Variants in ABLIM2 observed in about 807,000 individuals in gnomAD.
ABLIM2 encodes the protein actin binding LIM protein family member 2, also known as actin-binding LIM protein 2.
In ABLIM2, 53 loss-of-function variants were observed where a neutral mutation model predicts 97.7. The ratio of observed to expected loss-of-function variants is 0.54; its 90% CI spans 0.44 to 0.68. The LOEUF (loss-of-function observed/expected upper bound fraction) is 0.68. ABLIM2 is among the 30% of genes least tolerant of loss of function. The probability of loss-of-function intolerance (pLI) is 0.00; values close to 1 mark genes in which losing one functional copy is unlikely to be tolerated. For synonymous variants in ABLIM2, 361 were observed against 345.8 expected (o/e 1.04, Z -0.49); for missense variants, 835 against 867.2 (o/e 0.96, Z 0.47).
At chr4:8,134,466 C>T (rs1261298127) in intron 1 of ABLIM2, among the ~76,000 whole-genome samples, 2 of 152,214 alleles carry the variant, frequency 1.3e-5, no homozygotes, top group East Asian at 3.8e-4. Flanking sequence ...TCGGCCCAGC[C>T]CCCGTCGGCA....
At chr4:8,010,348 A>G in intron 14 of ABLIM2, 1 of 984,864 alleles carries the variant, frequency 1.0e-6, no homozygotes, top group Non-Finnish European at 1.2e-6. Flanking sequence ...GCACTGAACA[A>G]TTACACAAAA....
In ABLIM2 at chr4:8,005,249, A is replaced by G. The variant is rs1302835292; in HGVS notation, c.1618+2810T>C. ...AGCTCCCTGCACGCTTCTCCAGGTCAGGGGCTGCTCTTGTCTTCTCTGTCC... is the reference window on the plus strand; with the variant it reads ...AGCTCCCTGCACGCTTCTCCAGGTCGGGGGCTGCTCTTGTCTTCTCTGTCC... On this transcript the variant is annotated intron_variant, in intron 16 of 20. Coordinates refer to ENST00000447017, the MANE Select transcript of ABLIM2 (RefSeq NM_001130083.2). This position sits in a 1 kb window ranked among gnomAD's most constrained non-coding sequence, Gnocchi z 4.9. 5 of 510,258 alleles carry G rather than the reference A, an allele frequency of 9.8e-6. No individual in the cohort carries two copies. The East Asian group carries it at 2.8e-4, about 29-fold the overall frequency. The allele number at this position is 510,258 out of a possible 1,614,324, so 31.6% of individuals were successfully genotyped here.
At chr4:8,098,750 T>G (rs1370599679) in intron 2 of ABLIM2, among the ~76,000 whole-genome samples, 1 of 152,112 alleles carries the variant, frequency 6.6e-6, no homozygotes, top group Non-Finnish European at 1.5e-5. Context: ...ACACAGAACC[T>G]ACTTCAGAGG....
rs1167615555 is a variant in ABLIM2, at chr4:7,980,941, A to ATTTTTTTTTTTTTTTTTTTTTTTTT, written c.1824+2322_1824+2323insAAAAAAAAAAAAAAAAAAAAAAAAA. On this transcript the variant is annotated intron_variant, in intron 20 of 20. Coordinates refer to ENST00000447017, the MANE Select transcript of ABLIM2 (RefSeq NM_001130083.2). The stretch of plus-strand genomic sequence containing the variant: ...AGAACCATGGTCTCCACAACCCCTT[A>ATTTTTTTTTTTTTTTTTTTTTTTTT]TTTTTTTTTTTTTTTTTTTTGAGAT... Among the ~76,000 whole-genome samples, 199 of 82,924 alleles carry ATTTTTTTTTTTTTTTTTTTTTTTTT rather than the reference A, an allele frequency of 2.4e-3. 35 individuals carry two copies. Among genetic ancestry groups the ATTTTTTTTTTTTTTTTTTTTTTTTT allele is most frequent in the Middle Eastern group, 7.9e-3 (1 of 126 alleles). 54.4% of individuals were successfully genotyped at this position (82,924 alleles called of 152,430 possible). A position where few individuals can be genotyped will look rare whatever the true frequency, so the allele number is the denominator to read the frequency against.
rs1336231580 is a variant in ABLIM2 at position 8,046,751 on chromosome 4, A to G, written c.823-1510T>C. 6.6e-6 allele frequency among the ~76,000 whole-genome samples: 1 copy of G among 152,124 alleles called. No individual in the cohort carries two copies. The highest frequency in any genetic ancestry group is 1.5e-5 in the Non-Finnish European group (1 of 68,024). On this transcript the variant is annotated intron_variant, in intron 8 of 20. Coordinates refer to ENST00000447017, the MANE Select transcript of ABLIM2 (RefSeq NM_001130083.2). The surrounding 1 kb of genome is among the most constrained non-coding windows in gnomAD (Gnocchi z 4.4). ...CCCCAGGACCTCAGAATGTGGCTGTATTTGGAGACAGGGTTTTTAAAAGGT... is the reference window on the plus strand; with the variant it reads ...CCCCAGGACCTCAGAATGTGGCTGTGTTTGGAGACAGGGTTTTTAAAAGGT...
chr4:8,091,396 A>C (rs1381839045), intron 3 of ABLIM2, among the ~76,000 whole-genome samples: 3 of 53,778 alleles, frequency 5.6e-5, no homozygotes, highest in South Asian at 4.2e-4. Context: ...ATATATAATT[A>C]TATGTAATAT....
At chr4:8,137,140 G>T (rs1018297709) in intron 1 of ABLIM2, among the ~76,000 whole-genome samples, 1 of 152,166 alleles carries the variant, frequency 6.6e-6, no homozygotes, top group Non-Finnish European at 1.5e-5. Context: ...TTTGTAAGCC[G>T]CCCAGGCTGT....
Position 8,155,768 on chromosome 4 carries a change from C to A in ABLIM2, c.10+2912G>T, listed in dbSNP as rs935216893. 1.5e-5 allele frequency among the ~76,000 whole-genome samples: 2 copies of A among 129,820 alleles called. No individual in the cohort carries two copies. Among genetic ancestry groups the A allele is most frequent in the African/African-American group, 2.9e-5 (1 of 35,044 alleles). 85.2% of individuals were successfully genotyped at this position (129,820 alleles called of 152,430 possible). ...AGACACACACAAAGGGAAGACGGGA[C>A]GAGGACACAGACACACACAAAGGGA... On this transcript the variant is annotated intron_variant, in intron 1 of 20. Transcript: ENST00000447017. This position sits in a 1 kb window ranked among gnomAD's most constrained non-coding sequence, Gnocchi z 4.2.
At position 8,155,839 on chromosome 4, in the gene ABLIM2, G is replaced by A. The variant is rs1367738163; in HGVS notation, c.10+2841C>T. ...CACACACAAAGGGAAGACGGGGCGAGGACACAGACACACACAAAGGGAAGA... is the reference window on the plus strand; with the variant it reads ...CACACACAAAGGGAAGACGGGGCGAAGACACAGACACACACAAAGGGAAGA... On this transcript the variant is annotated intron_variant, in intron 1 of 20. Transcript: ENST00000447017. This position sits in a 1 kb window ranked among gnomAD's most constrained non-coding sequence, Gnocchi z 4.2. Among the ~76,000 whole-genome samples the A allele has an allele frequency of 3.9e-5, 6 of 152,114 alleles. No homozygotes were observed. The highest frequency in any genetic ancestry group is 1.9e-4 in the East Asian group (1 of 5,184).
rs1053059904 is a variant in ABLIM2, at chr4:8,046,074, C to T, written c.823-833G>A. Reference sequence around the variant, plus strand: ...AGCCCCCTGGCAGCCACTCTCCCAACTGCACCTGTGGGCTTGTCCTGGCCT... The same window carrying T: ...AGCCCCCTGGCAGCCACTCTCCCAATTGCACCTGTGGGCTTGTCCTGGCCT... On this transcript the variant is annotated intron_variant, in intron 8 of 20. Transcript: ENST00000447017. This position sits in a 1 kb window ranked among gnomAD's most constrained non-coding sequence, Gnocchi z 4.4. Among the ~76,000 whole-genome samples the T allele has an allele frequency of 5.9e-5, 9 of 152,212 alleles. 1 individual carries two copies. Among genetic ancestry groups the T allele is most frequent in the Admixed American group, 4.6e-4 (7 of 15,292 alleles).
intron 1 of ABLIM2, among the ~76,000 whole-genome samples, chr4:8,151,248 G>T (rs1158026879): frequency 6.6e-6 from 1 of 152,184 alleles, no homozygotes; most frequent in African/African-American, 2.4e-5. Flanking sequence ...CAAGGGAAGT[G>T]ACATGAAGCC....
chr4:7,985,337 T>A (rs4696724), intron 17 of ABLIM2, among the ~76,000 whole-genome samples: 23,447 of 152,110 alleles, frequency 0.15, 2,271 homozygotes, highest in East Asian at 0.39. Flanking sequence ...GGTGGGTTCC[T>A]GAGCACAGCG....
chr4:8,146,448 C>A (rs894740312), intron 1 of ABLIM2, among the ~76,000 whole-genome samples: 1 of 152,204 alleles, frequency 6.6e-6, no homozygotes, highest in Non-Finnish European at 1.5e-5. Context: ...TAAAGCAGTG[C>A]CTCGGCTCGC....
chr4:8,106,096 C>T (rs1328582016), intron 2 of ABLIM2, among the ~76,000 whole-genome samples: 2 of 152,214 alleles, frequency 1.3e-5, no homozygotes, highest in African/African-American at 2.4e-5. Context: ...TCCCCGCGTG[C>T]CTGGGATCCA....
intron 8 of ABLIM2, among the ~76,000 whole-genome samples, chr4:8,049,120 A>T (rs995422012): frequency 1.3e-5 from 2 of 152,034 alleles, no homozygotes; most frequent in East Asian, 1.9e-4. Flanking sequence ...CATCCTGCAC[A>T]TCGGAGGCTG....
intron 20 of ABLIM2, among the ~76,000 whole-genome samples, chr4:7,981,390 G>C (rs7662540): frequency 0.26 from 39,571 of 151,996 alleles, 5,493 homozygotes; most frequent in Middle Eastern, 0.32. Context: ...CACCTTTCCA[G>C]ACCGAACCAA....
At chr4:8,086,385 TCACTCAG>T in intron 4 of ABLIM2, among the ~76,000 whole-genome samples, 1 of 146,966 alleles carries the variant, frequency 6.8e-6, no homozygotes. Flanking sequence ...TCTCACTCTG[TCACTCAG>T]GCTGGAGTGC....
intron 20 of ABLIM2, among the ~76,000 whole-genome samples, chr4:7,977,653 T>C (rs1177643029): frequency 6.6e-6 from 1 of 151,790 alleles, no homozygotes; most frequent in Admixed American, 6.6e-5. Context: ...TAGCCGGGTG[T>C]GGTGGTGGGT....
rs550262406 is a variant in ABLIM2 at position 8,046,257 on chromosome 4, C to A, written c.823-1016G>T. Among the ~76,000 whole-genome samples, 3 of 152,130 alleles carry A rather than the reference C, an allele frequency of 2.0e-5. No individual in the cohort carries two copies. Among genetic ancestry groups the A allele is most frequent in the South Asian group, 2.1e-4 (1 of 4,822 alleles). The stretch of plus-strand genomic sequence containing the variant: ...CCCACCTCAGCCCCCTCCAGCCCTG[C>A]GGACACACTCCTTCTGTGGTCCCCA... On this transcript the variant is annotated intron_variant, in intron 8 of 20. Transcript: ENST00000447017. The surrounding 1 kb of genome is among the most constrained non-coding windows in gnomAD (Gnocchi z 4.4).
Sources: gnomAD v4.1 joint callset for allele counts (sites outside exome capture counted in the v4.1 genomes callset) on GRCh38, gnomAD v4.1.1 for gene constraint, Gnocchi (gnomAD v3.1) non-coding constraint, MANE v1.5 for transcripts, NCBI Gene and HGNC (gene_info 2026-07-23, HGNC 2026-07-21) for gene names.